IMMP2L: variants seen among roughly 807,000 people sequenced by gnomAD.
IMMP2L encodes the protein inner mitochondrial membrane peptidase subunit 2.
IMMP2L carries 18 observed loss-of-function variants against 19.3 expected under a neutral mutation model. That is an observed-to-expected ratio of 0.93 (90% CI 0.64 to 1.38). The LOEUF (loss-of-function observed/expected upper bound fraction) is 1.38, where lower values mean the gene tolerates loss of function less well. Ranked by LOEUF, IMMP2L falls within the 40% of genes most tolerant of loss-of-function variation. The pLI is 0.00. For missense variants in IMMP2L, 233 were observed against 218.2 expected, an observed-to-expected ratio of 1.07 and a Z score of -0.43; for synonymous variants, 76 against 73.0, an observed-to-expected ratio of 1.04 and a Z score of -0.21.
chr7:110,914,835 T>C (rs1382890510), intron 4 of IMMP2L, among the ~76,000 whole-genome samples: 1 of 152,156 alleles, frequency 6.6e-6, no homozygotes, highest in Non-Finnish European at 1.5e-5. Flanking sequence ...GAAGACCTCC[T>C]ATATGAAAAC....
At chr7:110,859,574 C>G (rs1048011132) in intron 5 of IMMP2L, among the ~76,000 whole-genome samples, 2 of 151,496 alleles carry the variant, frequency 1.3e-5, no homozygotes, top group African/African-American at 4.8e-5. Context: ...GAAATCCCGT[C>G]TCTACAAAAA....
chr7:111,030,896 A>T (rs1171725507), intron 3 of IMMP2L, among the ~76,000 whole-genome samples: 1 of 20,674 alleles, frequency 4.8e-5, no homozygotes, highest in South Asian at 7.1e-4. Context: ...ATATATATAT[A>T]TATATATATA....
rs537126651 is a variant in IMMP2L at position 111,147,860 on chromosome 7, G to T, written c.240-184295C>A. 5.9e-5 allele frequency among the ~76,000 whole-genome samples: 9 copies of T among 152,180 alleles called. No individual in the cohort carries two copies. In the South Asian group the frequency reaches 1.9e-3, roughly 32 times the overall value. ...ACAAATGCTTGCAATGTTCCAAGAAGAATTTATTCAAGAAAAATAGCTGAA... is the reference window on the plus strand; with the variant it reads ...ACAAATGCTTGCAATGTTCCAAGAATAATTTATTCAAGAAAAATAGCTGAA... On this transcript the variant is annotated intron_variant, in intron 3 of 5. Transcript: ENST00000405709.
chr7:111,446,952 T>C (rs1838530518), intron 3 of IMMP2L, among the ~76,000 whole-genome samples: 1 of 149,592 alleles, frequency 6.7e-6, no homozygotes, highest in African/African-American at 2.5e-5. Context: ...GAAGAAAGGG[T>C]ATCAGCAATG....
At chr7:110,801,514 G>A (rs756503415) in intron 5 of IMMP2L, among the ~76,000 whole-genome samples, 19 of 152,060 alleles carry the variant, frequency 1.2e-4, no homozygotes, top group Non-Finnish European at 2.6e-4. Flanking sequence ...AAACAGTGAT[G>A]CCATATAATA....
At chr7:110,952,343 C>T (rs747285560) in intron 4 of IMMP2L, among the ~76,000 whole-genome samples, 1 of 152,086 alleles carries the variant, frequency 6.6e-6, no homozygotes, top group Admixed American at 6.6e-5. Context: ...AAAAATCAGA[C>T]GTTGGCAATA....
At chr7:111,155,726 A>C (rs1298964270) in intron 3 of IMMP2L, among the ~76,000 whole-genome samples, 1 of 152,190 alleles carries the variant, frequency 6.6e-6, no homozygotes, top group African/African-American at 2.4e-5. Context: ...GAACAAAAAT[A>C]ATATATACTT....
Position 110,808,898 on chromosome 7 carries a change from T to A in IMMP2L, c.408+77695A>T, listed in dbSNP as rs576731787. Among the ~76,000 whole-genome samples, 10 of 152,194 alleles carry A rather than the reference T, an allele frequency of 6.6e-5. No homozygotes were observed. In the South Asian group the frequency reaches 1.0e-3, roughly 16 times the overall value. On this transcript the variant is annotated intron_variant, in intron 5 of 5. Transcript: ENST00000405709. ...TCTGAAACTTCAGTTATGGGTGTCA[T>A]GATTCATAATCCTCGACATCATAAA... is the stretch of plus-strand genomic sequence containing the variant.
chr7:110,849,746 T>C (rs186840187), intron 5 of IMMP2L, among the ~76,000 whole-genome samples: 378 of 152,230 alleles, frequency 2.5e-3, no homozygotes, highest in Middle Eastern at 6.8e-3. Context: ...TTTGACAATA[T>C]GACAATAGCC....
intron 3 of IMMP2L, among the ~76,000 whole-genome samples, chr7:111,369,532 T>C (rs1416355392): frequency 6.6e-6 from 1 of 151,802 alleles, no homozygotes; most frequent in Non-Finnish European, 1.5e-5. Flanking sequence ...AAAAAGCCAG[T>C]AGGAAATCAT....
At chr7:110,775,107 A>T (rs1799291229) in intron 5 of IMMP2L, among the ~76,000 whole-genome samples, 1 of 152,118 alleles carries the variant, frequency 6.6e-6, no homozygotes, top group Non-Finnish European at 1.5e-5. Context: ...TTGGAATAAA[A>T]ATTTATGCAT....
chr7:110,707,154 CCT>C (rs1250697686), intron 5 of IMMP2L, among the ~76,000 whole-genome samples: 1 of 74,216 alleles, frequency 1.3e-5, no homozygotes, highest in Non-Finnish European at 2.6e-5. Context: ...ATCCCTCCCC[CCT>C]CCCCCGACCC....
intron 3 of IMMP2L, among the ~76,000 whole-genome samples, chr7:111,404,834 T>C (rs1250706747): frequency 6.6e-6 from 1 of 152,086 alleles, no homozygotes; most frequent in Non-Finnish European, 1.5e-5. Flanking sequence ...GTACATAATG[T>C]CTGTCAGTAG....
chr7:110,966,519 T>G (rs1011672096), intron 3 of IMMP2L, among the ~76,000 whole-genome samples: 3 of 152,040 alleles, frequency 2.0e-5, no homozygotes, highest in Non-Finnish European at 2.9e-5. Flanking sequence ...CCAACAATGT[T>G]TAAGCTTTTG....
At chr7:111,077,633 C>G (rs992024463) in intron 3 of IMMP2L, among the ~76,000 whole-genome samples, 1 of 152,204 alleles carries the variant, frequency 6.6e-6, no homozygotes, top group African/African-American at 2.4e-5. Flanking sequence ...CTAACCAATT[C>G]TCCATGTAGC....
intron 3 of IMMP2L, among the ~76,000 whole-genome samples, chr7:111,154,384 T>G (rs1051919036): frequency 1.3e-5 from 2 of 152,150 alleles, no homozygotes; most frequent in Non-Finnish European, 2.9e-5. Flanking sequence ...TTTTAGGATC[T>G]TCCCAGTGAG....
chr7:110,775,401 T>C (rs564025855), intron 5 of IMMP2L, among the ~76,000 whole-genome samples: 1 of 152,102 alleles, frequency 6.6e-6, no homozygotes, highest in Non-Finnish European at 1.5e-5. Flanking sequence ...AAAAATTCTA[T>C]TTAAATTCCA....
At chr7:110,948,496 G>C (rs1817479023) in intron 4 of IMMP2L, among the ~76,000 whole-genome samples, 1 of 152,156 alleles carries the variant, frequency 6.6e-6, no homozygotes, top group Non-Finnish European at 1.5e-5. Flanking sequence ...AACTGGAGTT[G>C]GGCTGGGCTT....
intron 3 of IMMP2L, among the ~76,000 whole-genome samples, chr7:111,229,033 GT>G (rs1208640866): frequency 6.7e-6 from 1 of 148,592 alleles, no homozygotes; most frequent in South Asian, 2.1e-4. Context: ...AGAATTGCTA[GT>G]TTTTTTAACC....
Sources: gnomAD v4.1 joint callset for allele counts (sites outside exome capture counted in the v4.1 genomes callset) on GRCh38, gnomAD v4.1.1 for gene constraint, MANE v1.5 for transcripts, NCBI Gene and HGNC (gene_info 2026-07-23, HGNC 2026-07-21) for gene names.